The following JARID2 variants were observed in gnomAD, a reference collection of about 807,000 sequenced individuals.
The protein encoded by JARID2 is jumonji and AT-rich interaction domain containing 2.
In JARID2, 21 loss-of-function variants were observed where a neutral mutation model predicts 125.6. The observed-to-expected ratio is 0.17, with a 90% CI of 0.12 to 0.24. The LOEUF is 0.24. Ranked by LOEUF, JARID2 falls within the 10% of genes least tolerant of loss-of-function variation. The pLI, the probability that JARID2 is intolerant of heterozygous loss-of-function variation, is 1.00. For synonymous variants in JARID2, 736 were observed against 661.6 expected (o/e 1.11, Z -1.73); for missense variants, 1,303 against 1,639.6 (o/e 0.79, Z 3.55).
intron 3 of JARID2, among the ~76,000 whole-genome samples, chr6:15,413,920 T>G (rs1032894156): frequency 3.9e-5 from 6 of 152,202 alleles, no homozygotes; most frequent in Non-Finnish European, 8.8e-5. Flanking sequence ...CACATGAACT[T>G]TGGGGGCCAC....
chr6:15,517,966 A>AGG (rs1409966565), intron 17 of JARID2, among the ~76,000 whole-genome samples: 2 of 152,158 alleles, frequency 1.3e-5, no homozygotes, highest in African/African-American at 4.8e-5. Flanking sequence ...TATGACTGTG[A>AGG]GGGGCCTGGT....
intron 6 of JARID2, among the ~76,000 whole-genome samples, chr6:15,490,604 T>G (rs1412831976): frequency 2.0e-5 from 3 of 152,088 alleles, no homozygotes; most frequent in Non-Finnish European, 4.4e-5. Flanking sequence ...GGAATGCACA[T>G]GCCTGTATAA....
At chr6:15,437,638 A>AG (rs1425452475) in intron 3 of JARID2, among the ~76,000 whole-genome samples, 1 of 152,074 alleles carries the variant, frequency 6.6e-6, no homozygotes, top group Non-Finnish European at 1.5e-5. Flanking sequence ...GATTAGCAAC[A>AG]GGGAAAAAAA....
chr6:15,381,740 G>A (rs773025680), intron 2 of JARID2, among the ~76,000 whole-genome samples: 2 of 152,150 alleles, frequency 1.3e-5, no homozygotes, highest in Non-Finnish European at 2.9e-5. Flanking sequence ...TTATGTGGGA[G>A]GCATTGTGGG....
At chr6:15,414,949 G>C (rs1413594554) in intron 3 of JARID2, among the ~76,000 whole-genome samples, 1 of 152,232 alleles carries the variant, frequency 6.6e-6, no homozygotes, top group Non-Finnish European at 1.5e-5. Flanking sequence ...TTCCTATGCA[G>C]AGGACCCTGC....
At chr6:15,499,813 C>T (rs183307575) in intron 7 of JARID2, among the ~76,000 whole-genome samples, 104 of 152,222 alleles carry the variant, frequency 6.8e-4, no homozygotes, top group Non-Finnish European at 1.1e-3. Context: ...GAGTGGAATT[C>T]AGGCTGCTGT....
At chr6:15,253,407 T>A (rs1016726144) in intron 1 of JARID2, among the ~76,000 whole-genome samples, 1 of 152,124 alleles carries the variant, frequency 6.6e-6, no homozygotes, top group African/African-American at 2.4e-5. Flanking sequence ...AATAAAATTA[T>A]CGAAAGTGGA....
intron 5 of JARID2, among the ~76,000 whole-genome samples, chr6:15,469,326 CTCTCT>C (rs1768922715): frequency 9.5e-6 from 1 of 105,684 alleles, no homozygotes; most frequent in Non-Finnish European, 2.0e-5. Flanking sequence ...CTGTCTCTCT[CTCTCT>C]CTCTCCTGTC....
At chr6:15,271,867 G>A (rs1283758443) in intron 1 of JARID2, among the ~76,000 whole-genome samples, 1 of 152,214 alleles carries the variant, frequency 6.6e-6, no homozygotes, top group Admixed American at 6.5e-5. Context: ...GGGCGTGGTG[G>A]TGTGTGCCTG....
intron 3 of JARID2, among the ~76,000 whole-genome samples, chr6:15,439,457 TG>T (rs1363013909): frequency 6.6e-6 from 1 of 152,230 alleles, no homozygotes; most frequent in Non-Finnish European, 1.5e-5. Context: ...AGTGAGGCTT[TG>T]TGAGGAACCT....
chr6:15,471,494 C>T (rs1053659039), intron 5 of JARID2, among the ~76,000 whole-genome samples: 6 of 151,862 alleles, frequency 4.0e-5, no homozygotes, highest in African/African-American at 9.7e-5. Context: ...AGTGTAGTAT[C>T]GGATTGGGTC....
intron 4 of JARID2, among the ~76,000 whole-genome samples, chr6:15,457,712 C>T (rs1041843067): frequency 1.2e-4 from 18 of 150,698 alleles, no homozygotes; most frequent in Non-Finnish European, 2.4e-4. Context: ...GGAAAGACAG[C>T]GAGTGGAGTT....
chr6:15,444,902 G>A (rs1767608500), intron 3 of JARID2, among the ~76,000 whole-genome samples: 1 of 151,610 alleles, frequency 6.6e-6, no homozygotes, highest in Non-Finnish European at 1.5e-5. Context: ...ACTTCCCTCA[G>A]CAAGGGAACA....
At chr6:15,474,102 G>T (rs142380982) in intron 5 of JARID2, among the ~76,000 whole-genome samples, 1 of 152,196 alleles carries the variant, frequency 6.6e-6, no homozygotes, top group African/African-American at 2.4e-5. Flanking sequence ...ACAAACTGAC[G>T]TCAGTTTATT....
At chr6:15,509,761 G>T (rs140198202) in intron 12 of JARID2, among the ~76,000 whole-genome samples, 9 of 152,242 alleles carry the variant, frequency 5.9e-5, no homozygotes, top group Non-Finnish European at 1.2e-4. Context: ...AGTTTCTTCC[G>T]TGTGGGTTTG....
intron 4 of JARID2, among the ~76,000 whole-genome samples, chr6:15,462,622 G>A (rs973435738): frequency 4.6e-5 from 7 of 152,176 alleles, no homozygotes; most frequent in African/African-American, 1.4e-4. Context: ...TATGTATCCC[G>A]AAGATGAAAC....
At chr6:15,406,954 A>C (rs544003823) in intron 2 of JARID2, among the ~76,000 whole-genome samples, 42 of 151,936 alleles carry the variant, frequency 2.8e-4, no homozygotes, top group African/African-American at 9.9e-4. Flanking sequence ...TTTTTCTGCA[A>C]AATTATTGAT....
chr6:15,376,222 T>C (rs915984435), intron 2 of JARID2, among the ~76,000 whole-genome samples: 1 of 152,198 alleles, frequency 6.6e-6, no homozygotes, highest in Non-Finnish European at 1.5e-5. Flanking sequence ...ATAAAGACTT[T>C]TAAGTCTTTT....
At chr6:15,495,110 T>C (rs539615283) in intron 6 of JARID2, among the ~76,000 whole-genome samples, 3 of 152,276 alleles carry the variant, frequency 2.0e-5, no homozygotes, top group East Asian at 1.9e-4. Context: ...AGTGGCCACA[T>C]TGTGACGCAG....
Sources: allele counts gnomAD v4.1 joint callset (sites outside exome capture counted in the v4.1 genomes callset), GRCh38; gene constraint gnomAD v4.1.1; transcripts MANE v1.5; gene names NCBI Gene and HGNC (gene_info 2026-07-23, HGNC 2026-07-21).